Variants in ADAMTS12 observed in about 807,000 individuals in gnomAD.
ADAMTS12 encodes A disintegrin and metalloproteinase with thrombospondin motifs 12.
In ADAMTS12, 118 loss-of-function variants were observed where a neutral mutation model predicts 167.8. That is an observed-to-expected ratio of 0.70 (90% confidence interval 0.61 to 0.82). The LOEUF is 0.82. Ranked by LOEUF, ADAMTS12 falls within the 40% of genes least tolerant of loss-of-function variation. The pLI is 0.00. For synonymous variants in ADAMTS12, 704 were observed against 716.9 expected (o/e 0.98, Z 0.29); for missense variants, 1,916 against 1,998.8 (o/e 0.96, Z 0.79).
At chr5:33,791,572 C>T (rs1746570847) in intron 2 of ADAMTS12, among the ~76,000 whole-genome samples, 2 of 152,198 alleles carry the variant, frequency 1.3e-5, no homozygotes, top group South Asian at 4.1e-4. Flanking sequence ...GAAATTTGTA[C>T]TTCTATGCAG....
chr5:33,622,022 A>G (rs1386088098), intron 14 of ADAMTS12, among the ~76,000 whole-genome samples: 1 of 152,186 alleles, frequency 6.6e-6, no homozygotes, highest in Non-Finnish European at 1.5e-5. Flanking sequence ...GTGGAAAGGA[A>G]TTGTAGGAAG....
chr5:33,605,464 C>T (rs1224075346), intron 16 of ADAMTS12, among the ~76,000 whole-genome samples: 2 of 146,396 alleles, frequency 1.4e-5, no homozygotes. Context: ...AGAATAGATA[C>T]ATATAAAAAT....
chr5:33,648,689 A>G (rs1380489763), intron 9 of ADAMTS12, 133 bp downstream of exon 9: 4 of 1,143,342 alleles, frequency 3.5e-6, no homozygotes, highest in Non-Finnish European at 5.0e-6. Context: ...CCTTACAGAC[A>G]CACCTTGCCT....
chr5:33,659,526 G>A (rs1466192899), intron 6 of ADAMTS12, among the ~76,000 whole-genome samples: 2 of 152,140 alleles, frequency 1.3e-5, no homozygotes, highest in African/African-American at 4.8e-5. Flanking sequence ...TTCTCATTTT[G>A]ATATGGCAGG....
At chr5:33,880,693 A>G (rs1750399510) in intron 2 of ADAMTS12, among the ~76,000 whole-genome samples, 1 of 152,266 alleles carries the variant, frequency 6.6e-6, no homozygotes, top group African/African-American at 2.4e-5. Flanking sequence ...AAGCACACAG[A>G]GTCAACTATT....
At chr5:33,671,390 C>T (rs2112237059) in intron 5 of ADAMTS12, among the ~76,000 whole-genome samples, 1 of 152,134 alleles carries the variant, frequency 6.6e-6, no homozygotes, top group South Asian at 2.1e-4. Context: ...TCATATTGTA[C>T]TAAGATTACA....
At chr5:33,553,076 A>G in intron 20 of ADAMTS12, among the ~76,000 whole-genome samples, 1 of 152,238 alleles carries the variant, frequency 6.6e-6, no homozygotes, top group Non-Finnish European at 1.5e-5. Context: ...ACACTTTTCA[A>G]AAAAAGACAT....
In ADAMTS12 at chr5:33,624,163, C is replaced by A. The variant is rs55647002; in HGVS notation, c.2143+68G>T. ...AGAAATAAAAACAAAAACTAGGAAC[C>A]AATCAACCATTTATCTTGCCCCCCA... is the stretch of plus-strand genomic sequence containing the variant. On this transcript the variant is annotated intron_variant, in intron 14 of 23. Transcript: ENST00000504830. The A allele has an allele frequency of 6.9e-3, 10,956 of 1,597,146 alleles. 671 individuals carry two copies. In the African/African-American group the frequency reaches 0.13, roughly 19 times the overall value.
intron 12 of ADAMTS12, among the ~76,000 whole-genome samples, chr5:33,632,397 A>AAACAAACAAAC (rs1201628950): frequency 9.0e-5 from 1 of 11,080 alleles, no homozygotes; most frequent in Non-Finnish European, 8.8e-4. Context: ...CTGAATCCAA[A>AAACAAACAAAC]AACAAACAAA....
intron 3 of ADAMTS12, among the ~76,000 whole-genome samples, chr5:33,742,547 G>T (rs1744629786): frequency 6.6e-6 from 1 of 152,134 alleles, no homozygotes; most frequent in South Asian, 2.1e-4. Flanking sequence ...CTTGCCCCAG[G>T]TAAGACTGAT....
chr5:33,810,520 T>C (rs1018136621), intron 2 of ADAMTS12, among the ~76,000 whole-genome samples: 3 of 152,182 alleles, frequency 2.0e-5, no homozygotes, highest in African/African-American at 4.8e-5. Flanking sequence ...TCCTATTCAA[T>C]ATGTGTCTTT....
In ADAMTS12 at chr5:33,588,785, T is replaced by C; in HGVS notation, c.2679A>G (p.Ala893=). The change falls in exon 18 of 24, where the codon GCA becomes GCG. Residue 893 remains alanine (A), a synonymous_variant. Transcript: ENST00000504830. The part of the protein sequence containing the change: ...PPRWWAGEWE[A]CSATCGPHGE... ...CGTGGGGCCCGCATGTCGCCGAGCATGCTTCCCACTCCCCTGCCCACCACC... is the reference window on the plus strand; with the variant it reads ...CGTGGGGCCCGCATGTCGCCGAGCACGCTTCCCACTCCCCTGCCCACCACC... The C allele has an allele frequency of 3.7e-6, 6 of 1,613,656 alleles. No individual in the cohort carries two copies. Among genetic ancestry groups the C allele is most frequent in the Non-Finnish European group, 5.1e-6 (6 of 1,180,006 alleles).
intron 17 of ADAMTS12, among the ~76,000 whole-genome samples, chr5:33,591,801 G>A (rs970951696): frequency 1.8e-4 from 27 of 152,124 alleles, no homozygotes; most frequent in African/African-American, 4.1e-4. Flanking sequence ...GACATTTTTC[G>A]TCGTCACAAA....
At chr5:33,798,684 C>T (rs1282210568) in intron 2 of ADAMTS12, among the ~76,000 whole-genome samples, 1 of 152,114 alleles carries the variant, frequency 6.6e-6, no homozygotes, top group Non-Finnish European at 1.5e-5. Flanking sequence ...AGGTGATCTG[C>T]CTGCTTCGTC....
intron 18 of ADAMTS12, among the ~76,000 whole-genome samples, chr5:33,579,015 G>A (rs1299155092): frequency 6.6e-6 from 1 of 152,210 alleles, no homozygotes; most frequent in East Asian, 1.9e-4. Flanking sequence ...GCTACCAACT[G>A]CAAGTGTCAG....
At chr5:33,751,005 T>C (rs1744950761) in intron 3 of ADAMTS12, among the ~76,000 whole-genome samples, 1 of 152,210 alleles carries the variant, frequency 6.6e-6, no homozygotes, top group Admixed American at 6.5e-5. Flanking sequence ...TCTGGTAATA[T>C]TCCATACTAA....
rs373247254 is a variant in ADAMTS12, at chr5:33,563,405, G to A, written c.3973-2226C>T. 5.9e-5 allele frequency among the ~76,000 whole-genome samples: 9 copies of A among 152,232 alleles called. No individual in the cohort carries two copies. The South Asian group carries it at 1.0e-3, about 18-fold the overall frequency. ...ATGCTGTTCCAGTTCTCAAGAGTTG[G>A]TGCTTTCCATTCTTGCTCTTGGACC... On this transcript the variant is annotated intron_variant, in intron 19 of 23. Coordinates refer to ENST00000504830, the MANE Select transcript of ADAMTS12 (RefSeq NM_030955.4).
intron 9 of ADAMTS12, among the ~76,000 whole-genome samples, chr5:33,647,640 A>C (rs1435694462): frequency 6.6e-6 from 1 of 152,206 alleles, no homozygotes; most frequent in Non-Finnish European, 1.5e-5. Flanking sequence ...CTGAGGTACG[A>C]GAATTGCTTG....
intron 3 of ADAMTS12, among the ~76,000 whole-genome samples, chr5:33,717,729 G>C (rs1038459261): frequency 1.3e-5 from 2 of 152,052 alleles, no homozygotes; most frequent in African/African-American, 4.8e-5. Flanking sequence ...TGAGTATTCA[G>C]GAAGTTATTA....
Sources: allele counts gnomAD v4.1 joint callset (sites outside exome capture counted in the v4.1 genomes callset), GRCh38; gene constraint gnomAD v4.1.1; transcripts MANE v1.5; gene names NCBI Gene and HGNC (gene_info 2026-07-23, HGNC 2026-07-21).